The following KCNK2 variants were observed in gnomAD, a reference collection of about 807,000 sequenced individuals.
KCNK2 encodes the protein potassium channel subfamily K member 2.
Under a neutral mutation model 40.5 loss-of-function variants are expected in KCNK2, and 21 were observed. The observed-to-expected ratio is 0.52, with a 90% confidence interval of 0.37 to 0.75. The LOEUF (loss-of-function observed/expected upper bound fraction) is 0.75, where lower values mean the gene tolerates loss of function less well. KCNK2 is among the 30% of genes least tolerant of loss of function. The pLI, the probability that KCNK2 is intolerant of heterozygous loss-of-function variation, is 0.00. For synonymous variants in KCNK2, 191 were observed against 202.2 expected, an observed-to-expected ratio of 0.94 and a Z score of 0.47; for missense variants, 399 against 531.6, an observed-to-expected ratio of 0.75 and a Z score of 2.45.
At chr1:215,197,718 G>A (rs1444036817) in intron 6 of KCNK2, among the ~76,000 whole-genome samples, 1 of 152,110 alleles carries the variant, frequency 6.6e-6, no homozygotes, top group Non-Finnish European at 1.5e-5. Flanking sequence ...ATGAAAACAA[G>A]ACCGGGTGGG....
In KCNK2 at chr1:215,045,155, G is replaced by T. The variant is rs986774962; in HGVS notation, c.34+39200G>T. Among the ~76,000 whole-genome samples the T allele has an allele frequency of 2.1e-4, 32 of 151,602 alleles. 1 individual carries two copies. The highest frequency in any genetic ancestry group is 6.3e-4 in the African/African-American group (26 of 41,262). On this transcript the variant is annotated intron_variant, in intron 1 of 6. Coordinates refer to the KCNK2 transcript ENST00000391895. Reference sequence around the variant, plus strand: ...GCCGAGATCGTGCCACTGAACTCCAGCCTGGGCGACAGAGCGAGACTCCGT... The same window carrying T: ...GCCGAGATCGTGCCACTGAACTCCATCCTGGGCGACAGAGCGAGACTCCGT...
At chr1:215,063,839 TG>T (rs1310387805) in intron 1 of KCNK2, among the ~76,000 whole-genome samples, 3 of 151,924 alleles carry the variant, frequency 2.0e-5, no homozygotes, top group Non-Finnish European at 2.9e-5. Flanking sequence ...CAAATGGAAA[TG>T]GAGAAAGAAA....
intron 3 of KCNK2, among the ~76,000 whole-genome samples, chr1:215,142,019 T>C (rs1190025238): frequency 6.6e-6 from 1 of 152,104 alleles, no homozygotes; most frequent in Non-Finnish European, 1.5e-5. Context: ...TTACTTTTTT[T>C]CTGTAATTCT....
chr1:215,040,616 A>G (rs1465017864), intron 1 of KCNK2, among the ~76,000 whole-genome samples: 4 of 152,182 alleles, frequency 2.6e-5, no homozygotes, highest in Non-Finnish European at 2.9e-5. Flanking sequence ...GCAAGTGGCT[A>G]TCACTAGAAG....
chr1:215,068,765 C>CT (rs1249925714), intron 1 of KCNK2, among the ~76,000 whole-genome samples: 2 of 152,148 alleles, frequency 1.3e-5, no homozygotes, highest in Admixed American at 1.3e-4. Flanking sequence ...ACAGGTATAA[C>CT]ATATGAGTCT....
At position 215,125,375 on chromosome 1, in the gene KCNK2, C is replaced by T. The variant is rs139680020; in HGVS notation, c.475+625C>T. Among the ~76,000 whole-genome samples, 261 of 152,170 alleles carry T rather than the reference C, an allele frequency of 1.7e-3. 1 individual carries two copies. The highest frequency in any genetic ancestry group is 6.8e-3 in the Middle Eastern group (2 of 294). Reference sequence around the variant, plus strand: ...ATGTTGAAAGGGTTGCATAATGGAACGTGGTCTGTTTTTTCAACTCACTGA... The same window carrying T: ...ATGTTGAAAGGGTTGCATAATGGAATGTGGTCTGTTTTTTCAACTCACTGA... On this transcript the variant is annotated intron_variant, in intron 3 of 6. Coordinates refer to ENST00000444842, the MANE Select transcript of KCNK2 (RefSeq NM_001017425.3).
chr1:215,126,982 G>A (rs1661466682), intron 3 of KCNK2, among the ~76,000 whole-genome samples: 1 of 152,116 alleles, frequency 6.6e-6, no homozygotes, highest in Admixed American at 6.6e-5. Flanking sequence ...CCCTAAGTGT[G>A]CATTTGACAT....
chr1:215,126,708 A>G (rs1363323225), intron 3 of KCNK2, among the ~76,000 whole-genome samples: 1 of 152,174 alleles, frequency 6.6e-6, no homozygotes. Flanking sequence ...ATGAAAAAAA[A>G]TAAACCATTA....
intron 6 of KCNK2, among the ~76,000 whole-genome samples, chr1:215,231,554 GC>G (rs1666668220): frequency 1.3e-5 from 2 of 152,188 alleles, no homozygotes; most frequent in African/African-American, 4.8e-5. Flanking sequence ...AGAAACTGAG[GC>G]TAAAGACATT....
chr1:215,083,269 C>T lies in KCNK2; in HGVS notation c.-117C>T, dbSNP rs767708308. On this transcript the variant is annotated 5_prime_UTR_variant, in exon 1 of 7. Coordinates refer to ENST00000444842, the MANE Select transcript of KCNK2 (RefSeq NM_001017425.3). ...AACAAAGCCGGGGAAAATGCCTGCCCGTGCAGCTCGGAGCGCGCAGCCCGT... is the reference window on the plus strand; with the variant it reads ...AACAAAGCCGGGGAAAATGCCTGCCTGTGCAGCTCGGAGCGCGCAGCCCGT... The T allele has an allele frequency of 3.1e-6, 5 of 1,612,636 alleles. No homozygotes were observed. Among genetic ancestry groups the T allele is most frequent in the South Asian group, 1.1e-5 (1 of 91,008 alleles).
At chr1:215,060,652 C>G (rs1292998734) in intron 1 of KCNK2, among the ~76,000 whole-genome samples, 5 of 152,092 alleles carry the variant, frequency 3.3e-5, no homozygotes, top group African/African-American at 1.2e-4. Flanking sequence ...TCTACATGCC[C>G]GGGAGCAGTG....
At chr1:215,157,108 G>A (rs920289757) in intron 3 of KCNK2, among the ~76,000 whole-genome samples, 2 of 152,152 alleles carry the variant, frequency 1.3e-5, no homozygotes, top group Non-Finnish European at 2.9e-5. Context: ...GACACTTGGG[G>A]AGTGTAATTG....
chr1:215,211,002 T>C (rs1256748707), intron 6 of KCNK2, among the ~76,000 whole-genome samples: 1 of 152,170 alleles, frequency 6.6e-6, no homozygotes, highest in Non-Finnish European at 1.5e-5. Flanking sequence ...AGAGACCTCC[T>C]AGCTTTCACC....
intron 5 of KCNK2, among the ~76,000 whole-genome samples, chr1:215,178,998 ATTTTT>A (rs35115547): frequency 6.7e-6 from 1 of 149,488 alleles, no homozygotes; most frequent in South Asian, 2.1e-4. Flanking sequence ...TGGTTGGTAG[ATTTTT>A]TTTTTTAATT....
chr1:215,056,386 A>G (rs1217838482), intron 1 of KCNK2, among the ~76,000 whole-genome samples: 3 of 150,298 alleles, frequency 2.0e-5, no homozygotes, highest in Admixed American at 2.0e-4. Context: ...AAAGAAAACT[A>G]GAGGCATAAG....
chr1:215,209,222 T>C (rs536661503), intron 6 of KCNK2, among the ~76,000 whole-genome samples: 7 of 131,798 alleles, frequency 5.3e-5, no homozygotes, highest in Non-Finnish European at 9.2e-5. Flanking sequence ...CACATATTTT[T>C]ATATATAAAA....
rs571148482 is a variant in KCNK2 at position 215,225,684 on chromosome 1, T to TA, written c.964-9144_964-9143insA. Among the ~76,000 whole-genome samples, 983 of 152,326 alleles carry TA rather than the reference T, an allele frequency of 6.5e-3. 6 individuals carry two copies. Among genetic ancestry groups the TA allele is most frequent in the Admixed American group, 0.011 (168 of 15,302 alleles). On this transcript the variant is annotated intron_variant, in intron 6 of 6. Transcript: ENST00000444842. Reference sequence around the variant, plus strand: ...AGTCTGGTCTATTCAAATTACCATGTTGGGTACTTTTATGAGGAGAAGAAA... The same window carrying TA: ...AGTCTGGTCTATTCAAATTACCATGTATGGGTACTTTTATGAGGAGAAGAAA...
chr1:215,059,532 A>G (rs1658297260), intron 1 of KCNK2, among the ~76,000 whole-genome samples: 1 of 152,166 alleles, frequency 6.6e-6, no homozygotes, highest in Admixed American at 6.5e-5. Flanking sequence ...TCTACTTTCA[A>G]TGTACACACA....
At chr1:215,158,189 T>C (rs1399358009) in intron 3 of KCNK2, among the ~76,000 whole-genome samples, 1 of 152,136 alleles carries the variant, frequency 6.6e-6, no homozygotes, top group East Asian at 1.9e-4. Flanking sequence ...CTCTCTTAGG[T>C]CTCTCTTCTG....
Sources: allele counts gnomAD v4.1 joint callset (sites outside exome capture counted in the v4.1 genomes callset), GRCh38; gene constraint gnomAD v4.1.1; transcripts MANE v1.5; gene names NCBI Gene and HGNC (gene_info 2026-07-23, HGNC 2026-07-21).